The following PCDHGB7 variants were observed in gnomAD, a reference collection of about 807,000 sequenced individuals.
PCDHGB7 encodes the protein protocadherin gamma-B7.
Under a neutral mutation model 61.4 loss-of-function variants are expected in PCDHGB7, and 37 were observed. The ratio of observed to expected loss-of-function variants is 0.60; its 90% confidence interval spans 0.46 to 0.79. The LOEUF (loss-of-function observed/expected upper bound fraction) is 0.79, where lower values mean the gene tolerates loss of function less well. PCDHGB7 is among the 30% of genes least tolerant of loss of function. The pLI is 0.00. For missense variants in PCDHGB7, 1,166 were observed against 1,202.5 expected (o/e 0.97, Z 0.45); for synonymous variants, 464 against 503.5 (o/e 0.92, Z 1.05).
At chr5:141,450,829 A>ATTTTT (rs373424450) in intron 1 of PCDHGB7, among the ~76,000 whole-genome samples, 3 of 135,122 alleles carry the variant, frequency 2.2e-5, no homozygotes, top group Admixed American at 7.6e-5. Flanking sequence ...TATTATTATT[A>ATTTTT]TTTTTTTTTT....
Position 141,477,952 on chromosome 5 carries a change from A to C in PCDHGB7, c.2416-16855A>C, listed in dbSNP as rs907708638. The C allele has an allele frequency of 1.2e-6, 2 of 1,614,038 alleles. No individual in the cohort carries two copies. Among genetic ancestry groups the C allele is most frequent in the Non-Finnish European group, 1.7e-6 (2 of 1,180,002 alleles). Reference sequence around the variant, plus strand: ...CCTGGCTCTCCTACAGTCTCTTGGGATCCCCTAACCAGAGCCTTTTTGCCA... The same window carrying C: ...CCTGGCTCTCCTACAGTCTCTTGGGCTCCCCTAACCAGAGCCTTTTTGCCA... On this transcript the variant is annotated intron_variant, in intron 1 of 3. Coordinates refer to ENST00000398594, the MANE Select transcript of PCDHGB7 (RefSeq NM_018927.4). This position sits in a 1 kb window ranked among gnomAD's most constrained non-coding sequence, Gnocchi z 4.9.
intron 1 of PCDHGB7, chr5:141,428,003 C>A (rs1175875944): frequency 2.5e-6 from 4 of 1,601,244 alleles, no homozygotes; most frequent in Non-Finnish European, 3.4e-6. Context: ...CCGCACTCTT[C>A]GATATAGTGC....
rs1396744157 is a variant in PCDHGB7 at position 141,432,439 on chromosome 5, C to G, written c.2415+12165C>G. 22 of 1,614,108 alleles carry G rather than the reference C, an allele frequency of 1.4e-5. No individual in the cohort carries two copies. The highest frequency in any genetic ancestry group is 1.7e-5 in the Non-Finnish European group (20 of 1,180,052). On this transcript the variant is annotated intron_variant, in intron 1 of 3. Coordinates refer to ENST00000398594, the MANE Select transcript of PCDHGB7 (RefSeq NM_018927.4). This position sits in a 1 kb window ranked among gnomAD's most constrained non-coding sequence, Gnocchi z 6.0. ...TGCTGGACCAGAACGACAATGCGCCCGAGATCCTGTACCCCGCCCTCCCCA... is the reference window on the plus strand; with the variant it reads ...TGCTGGACCAGAACGACAATGCGCCGGAGATCCTGTACCCCGCCCTCCCCA...
At position 141,431,056 on chromosome 5, in the gene PCDHGB7, C is replaced by T; in HGVS notation, c.2415+10782C>T. ...ACCGGGAGGAGCTCTGTATGGGGGC[C>T]ATCAAGTGTCAATTAAATCTAGACA... On this transcript the variant is annotated intron_variant, in intron 1 of 3. Transcript: ENST00000398594. The surrounding 1 kb of genome is among the most constrained non-coding windows in gnomAD (Gnocchi z 4.8). 1 of 1,614,126 alleles carries T rather than the reference C, an allele frequency of 6.2e-7. No homozygotes were observed. The highest frequency in any genetic ancestry group is 8.5e-7 in the Non-Finnish European group (1 of 1,180,000).
rs1216200329 is a variant in PCDHGB7, at chr5:141,491,485, C to G, written c.2416-3322C>G. ...CTTCTATAAGCAGTCCAGCCCCAAC[C>G]TGCAGGTGAGCTCGGACGGCACGCT... On this transcript the variant is annotated intron_variant, in intron 1 of 3. Coordinates refer to ENST00000398594, the MANE Select transcript of PCDHGB7 (RefSeq NM_018927.4). This position sits in a 1 kb window ranked among gnomAD's most constrained non-coding sequence, Gnocchi z 6.9. 6.2e-7 allele frequency: 1 copy of G among 1,614,148 alleles called. No individual in the cohort carries two copies. The highest frequency in any genetic ancestry group is 1.3e-5 in the African/African-American group (1 of 75,064).
At chr5:141,465,457 C>G (rs956070103) in intron 1 of PCDHGB7, among the ~76,000 whole-genome samples, 1 of 152,214 alleles carries the variant, frequency 6.6e-6, no homozygotes, top group Non-Finnish European at 1.5e-5. Context: ...AAAACTCTCA[C>G]CAAATTGCCC....
At chr5:141,460,411 T>TG (rs2098988114) in intron 1 of PCDHGB7, among the ~76,000 whole-genome samples, 1 of 152,212 alleles carries the variant, frequency 6.6e-6, no homozygotes, top group Non-Finnish European at 1.5e-5. Context: ...TTTGAGTTGA[T>TG]GTTTATGTAT....
intron 1 of PCDHGB7, chr5:141,428,344 G>C (rs970552377): frequency 8.4e-6 from 5 of 596,498 alleles, no homozygotes; most frequent in Non-Finnish European, 1.5e-5. Context: ...CTTCTTCCTC[G>C]CAGTGATTTT....
chr5:141,431,698 ATT>A lies in PCDHGB7; in HGVS notation c.2415+11425_2415+11426del. The A allele has an allele frequency of 6.2e-7, 1 of 1,614,222 alleles. No homozygotes were observed. Among genetic ancestry groups the A allele is most frequent in the South Asian group, 1.1e-5 (1 of 91,090 alleles). ...GGGAGTTGGACCACGAGGAGTCAGG[ATT>A]CTACCAGATGGAAGTGCAAGCAATG... On this transcript the variant is annotated intron_variant, in intron 1 of 3. Transcript: ENST00000398594. The surrounding 1 kb of genome is among the most constrained non-coding windows in gnomAD (Gnocchi z 4.8).
intron 1 of PCDHGB7, among the ~76,000 whole-genome samples, chr5:141,433,497 C>G (rs2097615154): frequency 6.6e-6 from 1 of 152,076 alleles, no homozygotes; most frequent in Non-Finnish European, 1.5e-5. Flanking sequence ...CCCTCCCAAA[C>G]TGCTGGGATT....
chr5:141,418,385 G>A lies in PCDHGB7; in HGVS notation c.526G>A (p.Glu176Lys), dbSNP rs759618059. The A allele has an allele frequency of 8.7e-6, 14 of 1,613,930 alleles. No individual in the cohort carries two copies. Among genetic ancestry groups the A allele is most frequent in the Admixed American group, 1.7e-5 (1 of 60,026 alleles). The stretch of plus-strand genomic sequence containing the variant: ...GAGCAAATACCAACTAAGTCCTAAC[G>A]AGTATTTCTCATTGGTGGAGAAAGA... ...SLSKYQLSPN[E>K]YFSLVEKDNP... The change falls in exon 1 of 4, where the codon GAG becomes AAG. Residue 176 changes from glutamate (E) to lysine (K), a missense_variant. By Grantham distance (56) the Glu-to-Lys change is moderately conservative. Coordinates refer to ENST00000398594, the MANE Select transcript of PCDHGB7 (RefSeq NM_018927.4).
At position 141,427,625 on chromosome 5, in the gene PCDHGB7, T is replaced by G. The variant is rs150347956; in HGVS notation, c.2415+7351T>G. On this transcript the variant is annotated intron_variant, in intron 1 of 3. Coordinates refer to ENST00000398594, the MANE Select transcript of PCDHGB7 (RefSeq NM_018927.4). Reference sequence around the variant, plus strand: ...GCATTGGTGAAGTCAACGACAATGCTCCGGTTTTCCACCAAGTCTCCTACG... The same window carrying G: ...GCATTGGTGAAGTCAACGACAATGCGCCGGTTTTCCACCAAGTCTCCTACG... The G allele has an allele frequency of 2.7e-3, 1,907 of 699,068 alleles. 5 individuals are homozygous for G. The highest frequency in any genetic ancestry group is 4.1e-3 in the Non-Finnish European group (1,558 of 384,098). The allele number at this position is 699,068 out of a possible 1,614,324, so 43.3% of individuals were successfully genotyped here.
intron 1 of PCDHGB7, among the ~76,000 whole-genome samples, chr5:141,472,313 A>G (rs1411876003): frequency 6.7e-6 from 1 of 150,164 alleles, no homozygotes; most frequent in East Asian, 2.0e-4. Context: ...AAGCCGAGGC[A>G]GGCAGATCAC....
At chr5:141,501,308 C>T (rs1220463692) in intron 2 of PCDHGB7, among the ~76,000 whole-genome samples, 2 of 151,492 alleles carry the variant, frequency 1.3e-5, no homozygotes, top group African/African-American at 2.4e-5. Context: ...CACACACACA[C>T]ACACACACAC....
chr5:141,456,236 T>G (rs1299029934), intron 1 of PCDHGB7, among the ~76,000 whole-genome samples: 1 of 152,120 alleles, frequency 6.6e-6, no homozygotes, highest in African/African-American at 2.4e-5. Flanking sequence ...TAACTGCTGT[T>G]AGGAGGCTTT....
At chr5:141,427,814 G>T in intron 1 of PCDHGB7, 2 of 1,526,562 alleles carry the variant, frequency 1.3e-6, no homozygotes, top group South Asian at 2.2e-5. Context: ...CACAGAGCGG[G>T]GTGGTGGTCG....
rs767577725 is a variant in PCDHGB7, at chr5:141,485,642, G to C, written c.2416-9165G>C. On this transcript the variant is annotated intron_variant, in intron 1 of 3. Transcript: ENST00000398594. This position sits in a 1 kb window ranked among gnomAD's most constrained non-coding sequence, Gnocchi z 5.7. ...AGGACAGCGTTTCCCGTTGGAAAAGGCTCAGGATGCAGATGTGGGGAGCAA... is the reference window on the plus strand; with the variant it reads ...AGGACAGCGTTTCCCGTTGGAAAAGCCTCAGGATGCAGATGTGGGGAGCAA... 2 of 1,612,044 alleles carry C rather than the reference G, an allele frequency of 1.2e-6. No individual in the cohort carries two copies. The highest frequency in any genetic ancestry group is 8.5e-7 in the Non-Finnish European group (1 of 1,178,592).
At chr5:141,465,840 A>G (rs1212861707) in intron 1 of PCDHGB7, among the ~76,000 whole-genome samples, 1 of 151,734 alleles carries the variant, frequency 6.6e-6, no homozygotes, top group Non-Finnish European at 1.5e-5. Context: ...ATTTCAACTG[A>G]GGCTGGGCCC....
In PCDHGB7 at chr5:141,418,421, G is replaced by A. The variant is rs776535087; in HGVS notation, c.562G>A (p.Gly188Ser). ...FSLVEKDNPD[G>S]GKYPELVLQK... Reference sequence around the variant, plus strand: ...ATTGGTGGAGAAAGACAATCCTGATGGTGGCAAATATCCAGAATTAGTATT... The same window carrying A: ...ATTGGTGGAGAAAGACAATCCTGATAGTGGCAAATATCCAGAATTAGTATT... The change falls in exon 1 of 4, where the codon GGT becomes AGT. Residue 188 changes from glycine to serine, a missense_variant. Coordinates refer to ENST00000398594, the MANE Select transcript of PCDHGB7 (RefSeq NM_018927.4). The A allele has an allele frequency of 2.5e-6, 4 of 1,613,966 alleles. No homozygotes were observed. Among genetic ancestry groups the A allele is most frequent in the Non-Finnish European group, 3.4e-6 (4 of 1,179,866 alleles).
Sources: gnomAD v4.1 joint callset for allele counts (sites outside exome capture counted in the v4.1 genomes callset) on GRCh38, gnomAD v4.1.1 for gene constraint, Gnocchi (gnomAD v3.1) non-coding constraint, MANE v1.5 for transcripts, NCBI Gene and HGNC (gene_info 2026-07-23, HGNC 2026-07-21) for gene names.